Variants in RAB27A observed in about 807,000 individuals in gnomAD.
RAB27A encodes RAB27A, member RAS oncogene family, also known as ras-related protein Rab-27A.
RAB27A carries 17 observed loss-of-function variants against 20.8 expected under a neutral mutation model. The observed-to-expected ratio is 0.82, with a 90% CI of 0.56 to 1.23. RAB27A has a LOEUF of 1.23. RAB27A is among the 50% of genes most tolerant of loss of function. The pLI is 0.00. For missense variants in RAB27A, 277 were observed against 266.7 expected (o/e 1.04, Z -0.27); for synonymous variants, 85 against 92.8 (o/e 0.92, Z 0.48).
chr15:55,208,799 C>T (rs1894777774), intron 6 of RAB27A, among the ~76,000 whole-genome samples: 1 of 152,182 alleles, frequency 6.6e-6, no homozygotes, highest in East Asian at 1.9e-4. Flanking sequence ...GTGGCTGGCA[C>T]CTGCCTCTCT....
intron 5 of RAB27A, among the ~76,000 whole-genome samples, chr15:55,225,154 G>T (rs1343681084): frequency 6.6e-6 from 1 of 152,122 alleles, no homozygotes; most frequent in African/African-American, 2.4e-5. Context: ...CTTGCTTCAT[G>T]GTTACCTCAT....
At chr15:55,240,273 C>T (rs1274579413) in intron 2 of RAB27A, among the ~76,000 whole-genome samples, 3 of 152,052 alleles carry the variant, frequency 2.0e-5, no homozygotes, top group African/African-American at 7.2e-5. Context: ...CAGAATTTGA[C>T]ATTTGGGGCA....
intron 5 of RAB27A, among the ~76,000 whole-genome samples, chr15:55,224,316 A>T (rs1294024394): frequency 6.6e-6 from 1 of 152,234 alleles, no homozygotes; most frequent in East Asian, 1.9e-4. Flanking sequence ...CACACATACA[A>T]AACACCTTTC....
chr15:55,289,020 G>A (rs1322521738), intron 1 of RAB27A: 1 of 152,266 alleles, frequency 6.6e-6, no homozygotes, highest in African/African-American at 2.4e-5. Flanking sequence ...TAAGGACCCT[G>A]TGGCAGAAGA....
At chr15:55,254,458 A>G (rs1897009616) in intron 2 of RAB27A, among the ~76,000 whole-genome samples, 1 of 152,068 alleles carries the variant, frequency 6.6e-6, no homozygotes, top group African/African-American at 2.4e-5. Context: ...AATCTACAGC[A>G]TACAACATGA....
At chr15:55,282,552 T>G (rs1392492916) in intron 1 of RAB27A, among the ~76,000 whole-genome samples, 1 of 152,160 alleles carries the variant, frequency 6.6e-6, no homozygotes, top group African/African-American at 2.4e-5. Context: ...AAAGAAACTG[T>G]CCAGTTTTAT....
At chr15:55,221,455 C>T (rs1333810311) in intron 6 of RAB27A, among the ~76,000 whole-genome samples, 2 of 152,178 alleles carry the variant, frequency 1.3e-5, no homozygotes, top group African/African-American at 2.4e-5. Context: ...CACTACGTTA[C>T]ATGAGTGCCT....
chr15:55,228,482 C>T lies in RAB27A; in HGVS notation c.343+127G>A, dbSNP rs982728062. On this transcript the variant is annotated intron_variant, in intron 5 of 6. Coordinates refer to ENST00000336787, the MANE Select transcript of RAB27A (RefSeq NM_183235.3). ...CTTTGTCCCTAAACTAAAAACCTTG[C>T]TCCTTAAAATAGTATTTGCACTAAG... 4 of 757,120 alleles carry T rather than the reference C, an allele frequency of 5.3e-6. No individual in the cohort carries two copies. The Admixed American group carries it at 6.6e-5, about 13-fold the overall frequency. The allele number at this position is 757,120 out of a possible 1,614,324, so 46.9% of individuals were successfully genotyped here.
intron 2 of RAB27A, among the ~76,000 whole-genome samples, chr15:55,294,875 C>G (rs1291509285): frequency 6.6e-6 from 1 of 151,946 alleles, no homozygotes; most frequent in African/African-American, 2.4e-5. Context: ...TGCATAAAAG[C>G]ACACTATCAA....
intron 2 of RAB27A, among the ~76,000 whole-genome samples, chr15:55,298,690 G>A (rs1012463205): frequency 5.3e-5 from 8 of 152,126 alleles, no homozygotes; most frequent in African/African-American, 7.2e-5. Context: ...GCCTGGGAGC[G>A]CTATGGGAGA....
At chr15:55,225,441 T>A (rs1798895782) in intron 5 of RAB27A, among the ~76,000 whole-genome samples, 2 of 152,226 alleles carry the variant, frequency 1.3e-5, no homozygotes, top group Admixed American at 1.3e-4. Context: ...GTAAAGACTG[T>A]GAGCCACCAG....
intron 2 of RAB27A, among the ~76,000 whole-genome samples, chr15:55,310,598 T>C (rs988412540): frequency 1.3e-5 from 2 of 152,158 alleles, no homozygotes; most frequent in African/African-American, 4.8e-5. Flanking sequence ...GCTTTTCCCT[T>C]TTCCAGAGCC....
rs371132804 is a variant in RAB27A at position 55,204,136 on chromosome 15, A to G, written c.*1371T>C. 2 of 152,198 alleles carry G rather than the reference A, an allele frequency of 1.3e-5. No homozygotes were observed. The highest frequency in any genetic ancestry group is 1.9e-4 in the East Asian group (1 of 5,198). 9.4% of individuals were successfully genotyped at this position (152,198 alleles called of 1,614,324 possible). A position where few individuals can be genotyped will look rare whatever the true frequency, so the allele number is the denominator to read the frequency against. On this transcript the variant is annotated 3_prime_UTR_variant, in exon 7 of 7. Transcript: ENST00000336787. ...ATTATGGTGAGTGATATTTCTTCCT[A>G]TATAGCCATTAAGATCTCTGGAAGT...
At chr15:55,221,339 T>C (rs1211612546) in intron 6 of RAB27A, among the ~76,000 whole-genome samples, 1 of 152,154 alleles carries the variant, frequency 6.6e-6, no homozygotes, top group South Asian at 2.1e-4. Context: ...GGATCCATGG[T>C]TTCCATTGCT....
chr15:55,295,548 G>A (rs1043996657), intron 2 of RAB27A, among the ~76,000 whole-genome samples: 11 of 152,290 alleles, frequency 7.2e-5, no homozygotes, highest in South Asian at 2.1e-4. Flanking sequence ...ATGTTACAAC[G>A]TGGATGAACT....
intron 2 of RAB27A, among the ~76,000 whole-genome samples, chr15:55,263,567 A>G (rs1035784240): frequency 6.6e-6 from 1 of 152,230 alleles, no homozygotes; most frequent in African/African-American, 2.4e-5. Flanking sequence ...TTTAATACCT[A>G]GAAAGTAGGG....
intron 2 of RAB27A, among the ~76,000 whole-genome samples, chr15:55,246,164 T>C (rs891960579): frequency 1.3e-5 from 2 of 151,840 alleles, no homozygotes; most frequent in African/African-American, 2.4e-5. Flanking sequence ...ATACATCATT[T>C]TTAACAGCAT....
chr15:55,226,263 A>G (rs1566907014), intron 5 of RAB27A, among the ~76,000 whole-genome samples: 1 of 152,108 alleles, frequency 6.6e-6, no homozygotes. Context: ...TCAGATTTCA[A>G]TCCAGGCCCA....
chr15:55,302,857 G>C (rs1168037491), intron 2 of RAB27A, among the ~76,000 whole-genome samples: 2 of 141,994 alleles, frequency 1.4e-5, no homozygotes, highest in Non-Finnish European at 3.1e-5. Flanking sequence ...CGTCTGAGAA[G>C]TGAGGAGCCC....
Sources: gnomAD v4.1 joint callset for allele counts (sites outside exome capture counted in the v4.1 genomes callset) on GRCh38, gnomAD v4.1.1 for gene constraint, MANE v1.5 for transcripts, NCBI Gene and HGNC (gene_info 2026-07-23, HGNC 2026-07-21) for gene names.